ENPP6: variants seen among roughly 807,000 people sequenced by gnomAD.
ENPP6 encodes ectonucleotide pyrophosphatase/phosphodiesterase 6.
A neutral mutation model predicts 42.0 loss-of-function variants in ENPP6; 32 were observed. That is an observed-to-expected ratio of 0.76 (90% confidence interval 0.58 to 1.02). The LOEUF is 1.02. Ranked by LOEUF, ENPP6 falls within the 50% of genes least tolerant of loss-of-function variation. The pLI is 0.00. For synonymous variants in ENPP6, 213 were observed against 216.0 expected (o/e 0.99, Z 0.12); for missense variants, 552 against 566.8 (o/e 0.97, Z 0.27).
chr4:184,091,799 G>A (rs1312273094), intron 7 of ENPP6, among the ~76,000 whole-genome samples: 1 of 152,156 alleles, frequency 6.6e-6, no homozygotes, highest in Non-Finnish European at 1.5e-5. Context: ...GGAAGGCTGA[G>A]GTAAGGAGAT....
At chr4:184,122,826 G>A (rs558152075) in intron 3 of ENPP6, among the ~76,000 whole-genome samples, 126 of 152,314 alleles carry the variant, frequency 8.3e-4, no homozygotes, top group African/African-American at 2.8e-3. Context: ...GGGGATGGCT[G>A]GCATTCTGGA....
Position 184,207,732 on chromosome 4 carries a change from A to T in ENPP6, c.241+9847T>A, listed in dbSNP as rs192818759. 1.6e-4 allele frequency among the ~76,000 whole-genome samples: 25 copies of T among 152,324 alleles called. No individual in the cohort carries two copies. In the East Asian group the frequency reaches 4.8e-3, roughly 29 times the overall value. On this transcript the variant is annotated intron_variant, in intron 1 of 7. Coordinates refer to ENST00000296741, the MANE Select transcript of ENPP6 (RefSeq NM_153343.4). The stretch of plus-strand genomic sequence containing the variant: ...CCTCCTCTCCCTGGTCCTCTGCAGC[A>T]CGCTGGGGCCCTACTCCCTATTCTC...
intron 6 of ENPP6, among the ~76,000 whole-genome samples, chr4:184,108,865 G>A (rs1282602616): frequency 6.6e-6 from 1 of 152,244 alleles, no homozygotes. Context: ...CTTCTTGGAA[G>A]CTCAGAACCA....
At chr4:184,178,139 G>A (rs1356610125) in intron 1 of ENPP6, among the ~76,000 whole-genome samples, 1 of 152,086 alleles carries the variant, frequency 6.6e-6, no homozygotes, top group African/African-American at 2.4e-5. Context: ...CACTACGGGA[G>A]CTGTTAACCA....
chr4:184,196,858 T>C (rs1732809336), intron 1 of ENPP6, among the ~76,000 whole-genome samples: 1 of 152,152 alleles, frequency 6.6e-6, no homozygotes. Context: ...AGAACCCTGA[T>C]GGTCCTCTGG....
At position 184,208,391 on chromosome 4, in the gene ENPP6, G is replaced by T. The variant is rs1304194407; in HGVS notation, c.241+9188C>A. 3.9e-5 allele frequency among the ~76,000 whole-genome samples: 6 copies of T among 152,332 alleles called. No individual in the cohort carries two copies. In the South Asian group the frequency reaches 1.2e-3, roughly 32 times the overall value. On this transcript the variant is annotated intron_variant, in intron 1 of 7. Transcript: ENST00000296741. ...AGGTCAGTGGGTGCGCGCACCCTGC[G>T]CGAGCCGAAGCGGGGCGAGGCATTG...
chr4:184,173,177 T>C (rs1485700000), intron 1 of ENPP6, among the ~76,000 whole-genome samples: 1 of 152,040 alleles, frequency 6.6e-6, no homozygotes. Flanking sequence ...AGTGCTGGGA[T>C]TACAGGCATG....
intron 1 of ENPP6, among the ~76,000 whole-genome samples, chr4:184,188,819 C>A (rs1732674525): frequency 6.6e-6 from 1 of 152,116 alleles, no homozygotes; most frequent in Non-Finnish European, 1.5e-5. Context: ...ACTGGTAGGA[C>A]CAGCTTTGCA....
rs1735782045 is a variant in ENPP6, at chr4:184,091,180, T to C, written c.1320A>G (p.Ala440=). 6.5e-7 allele frequency: 1 copy of C among 1,549,022 alleles called. No individual in the cohort carries two copies. The highest frequency in any genetic ancestry group is 2.0e-5 in the Admixed American group (1 of 49,338). ...CTGAGACAAGCAATATGATCAGTTA[T>C]GCAAGCAGGAAGAGAAGAATCAGTG... ...ALALILLFLL[A] is the part of the protein sequence containing the mutation. Residue 440 remains alanine (A), a synonymous_variant, in exon 8 of 8, where the codon GCA becomes GCG. Coordinates refer to ENST00000296741, the MANE Select transcript of ENPP6 (RefSeq NM_153343.4).
intron 2 of ENPP6, among the ~76,000 whole-genome samples, chr4:184,148,020 T>C (rs1175228983): frequency 3.3e-5 from 5 of 152,190 alleles, no homozygotes; most frequent in Admixed American, 3.3e-4. Flanking sequence ...GACACCTTTG[T>C]TAACCCTCTC....
intron 2 of ENPP6, among the ~76,000 whole-genome samples, chr4:184,140,726 T>C (rs1736804197): frequency 1.6e-5 from 2 of 128,156 alleles, no homozygotes; most frequent in Non-Finnish European, 3.3e-5. Context: ...TTACACCTTA[T>C]ACAAAAATCA....
At chr4:184,209,563 C>T (rs981475011) in intron 1 of ENPP6, among the ~76,000 whole-genome samples, 6 of 151,340 alleles carry the variant, frequency 4.0e-5, no homozygotes, top group African/African-American at 9.8e-5. Flanking sequence ...ATGAGCAAAG[C>T]CTCCAAGAAA....
chr4:184,097,177 C>T (rs1735925005), intron 7 of ENPP6, 68 bp downstream of exon 7: 2 of 1,598,552 alleles, frequency 1.3e-6, no homozygotes, highest in Non-Finnish European at 1.7e-6. Context: ...TCCTGGCACC[C>T]GTAGCCCCCC....
chr4:184,127,563 G>C (rs897645912), intron 2 of ENPP6, among the ~76,000 whole-genome samples: 1 of 152,186 alleles, frequency 6.6e-6, no homozygotes, highest in Non-Finnish European at 1.5e-5. Flanking sequence ...CTTGAGACTG[G>C]CCTGGCTAAC....
At position 184,153,227 on chromosome 4, in the gene ENPP6, G is replaced by A. The variant is rs560187564; in HGVS notation, c.421+327C>T. ...CACAACCTCCGCCTCCTGGGTTCAA[G>A]CGATCCTCCTGTCTCAGCCTCCCGA... On this transcript the variant is annotated intron_variant, in intron 2 of 7. Coordinates refer to ENST00000296741, the MANE Select transcript of ENPP6 (RefSeq NM_153343.4). Among the ~76,000 whole-genome samples, 3 of 151,140 alleles carry A rather than the reference G, an allele frequency of 2.0e-5. No individual in the cohort carries two copies. In the East Asian group the frequency reaches 5.9e-4, roughly 30 times the overall value.
rs867060996 is a variant in ENPP6, at chr4:184,167,323, C to T, written c.242-13590G>A. On this transcript the variant is annotated intron_variant, in intron 1 of 7. Transcript: ENST00000296741. ...TAGAGACAGCTTTCACCATGTTGGC[C>T]AGGCTGGTCTCAAACTACTGACTTC... 2.0e-5 allele frequency among the ~76,000 whole-genome samples: 3 copies of T among 152,180 alleles called. No individual in the cohort carries two copies. The South Asian group carries it at 6.2e-4, about 31-fold the overall frequency.
chr4:184,193,083 T>C (rs746127024), intron 1 of ENPP6, among the ~76,000 whole-genome samples: 5 of 152,224 alleles, frequency 3.3e-5, no homozygotes, highest in Non-Finnish European at 7.3e-5. Flanking sequence ...TGGCAATTTC[T>C]CAAAATGTTA....
intron 2 of ENPP6, among the ~76,000 whole-genome samples, chr4:184,130,303 A>C (rs1736575395): frequency 6.6e-6 from 1 of 151,622 alleles, no homozygotes; most frequent in South Asian, 2.1e-4. Context: ...TCATGCCTGT[A>C]ATCCCAGCAC....
At chr4:184,147,755 T>G (rs1053634733) in intron 2 of ENPP6, among the ~76,000 whole-genome samples, 4 of 150,960 alleles carry the variant, frequency 2.6e-5, no homozygotes, top group Admixed American at 2.6e-4. Context: ...GAGCTATGAT[T>G]GCACCAATGC....
Sources: gnomAD v4.1 joint callset for allele counts (sites outside exome capture counted in the v4.1 genomes callset) on GRCh38, gnomAD v4.1.1 for gene constraint, MANE v1.5 for transcripts, NCBI Gene and HGNC (gene_info 2026-07-23, HGNC 2026-07-21) for gene names.